Variants in KCNH1 observed in about 807,000 individuals in gnomAD.
KCNH1 encodes potassium voltage-gated channel subfamily H member 1.
KCNH1 carries 27 observed loss-of-function variants against 69.2 expected under a neutral mutation model. The ratio of observed to expected loss-of-function variants is 0.39; its 90% CI spans 0.29 to 0.54. KCNH1 has a LOEUF of 0.54. Among genes scored for constraint, KCNH1 ranks in the 20% least tolerant of loss-of-function variants. The pLI, the probability that KCNH1 is intolerant of heterozygous loss-of-function variation, is 0.68. For synonymous variants in KCNH1, 456 were observed against 487.7 expected (o/e 0.93, Z 0.86); for missense variants, 798 against 1,261.6 (o/e 0.63, Z 5.57).
At chr1:210,955,963 G>A (rs562063919) in intron 6 of KCNH1, among the ~76,000 whole-genome samples, 1 of 152,202 alleles carries the variant, frequency 6.6e-6, no homozygotes, top group East Asian at 1.9e-4. Flanking sequence ...GTGAGAGAGG[G>A]CATCCCTGTC....
At chr1:211,030,913 T>C (rs1027980425) in intron 5 of KCNH1, among the ~76,000 whole-genome samples, 1 of 151,880 alleles carries the variant, frequency 6.6e-6, no homozygotes. Flanking sequence ...ATAAAAAATG[T>C]AAAAGCTGAG....
intron 10 of KCNH1, among the ~76,000 whole-genome samples, chr1:210,759,880 A>G (rs907585088): frequency 1.3e-5 from 2 of 152,182 alleles, no homozygotes; most frequent in African/African-American, 4.8e-5. Flanking sequence ...TGGAGCCATG[A>G]CTGGTACCAG....
chr1:210,921,322 G>A (rs771484128), intron 6 of KCNH1, among the ~76,000 whole-genome samples: 3 of 152,120 alleles, frequency 2.0e-5, no homozygotes, highest in East Asian at 1.9e-4. Context: ...ACATTTCTTC[G>A]AATCAAGACT....
At chr1:210,878,304 G>T (rs1209491341) in intron 7 of KCNH1, among the ~76,000 whole-genome samples, 1 of 151,716 alleles carries the variant, frequency 6.6e-6, no homozygotes, top group Non-Finnish European at 1.5e-5. Flanking sequence ...AGATAAAATG[G>T]ACATGTAGAG....
chr1:210,880,179 A>T (rs978583983), intron 7 of KCNH1, among the ~76,000 whole-genome samples: 1 of 152,150 alleles, frequency 6.6e-6, no homozygotes, highest in Non-Finnish European at 1.5e-5. Context: ...TGATCTGTAG[A>T]TTTAATACAA....
intron 10 of KCNH1, among the ~76,000 whole-genome samples, chr1:210,771,235 GC>G (rs1191043266): frequency 6.6e-6 from 1 of 152,166 alleles, no homozygotes; most frequent in African/African-American, 2.4e-5. Context: ...TTCATGAATA[GC>G]CACAAGCCAC....
chr1:210,829,734 G>A (rs1446867815), intron 7 of KCNH1, among the ~76,000 whole-genome samples: 2 of 152,118 alleles, frequency 1.3e-5, no homozygotes, highest in Non-Finnish European at 2.9e-5. Context: ...TTTTTTAAAA[G>A]GCTTCTCAAA....
At position 211,087,647 on chromosome 1, in the gene KCNH1, A is replaced by G. The variant is rs897003194; in HGVS notation, c.439+2915T>C. Among the ~76,000 whole-genome samples the G allele has an allele frequency of 6.6e-5, 10 of 151,698 alleles. No individual in the cohort carries two copies. In the South Asian group the frequency reaches 1.3e-3, roughly 19 times the overall value. ...CACACACACACACACACGCACACACACACACACACACACACACCCCAGAGC... is the reference window on the plus strand; with the variant it reads ...CACACACACACACACACGCACACACGCACACACACACACACACCCCAGAGC... On this transcript the variant is annotated intron_variant, in intron 4 of 10. Transcript: ENST00000271751.
chr1:210,939,700 G>A (rs982587061), intron 6 of KCNH1, among the ~76,000 whole-genome samples: 1 of 152,226 alleles, frequency 6.6e-6, no homozygotes, highest in Admixed American at 6.5e-5. Context: ...CCCAACTTAC[G>A]GTTGAAGAAA....
intron 5 of KCNH1, among the ~76,000 whole-genome samples, chr1:211,034,440 T>TG (rs34756663): frequency 1.4e-4 from 21 of 150,762 alleles, no homozygotes; most frequent in Admixed American, 1.3e-3. Flanking sequence ...AGGAAGGGGG[T>TG]GGGGGGTGCC....
intron 5 of KCNH1, among the ~76,000 whole-genome samples, chr1:211,066,016 A>T (rs1024518572): frequency 6.6e-6 from 1 of 152,172 alleles, no homozygotes; most frequent in Non-Finnish European, 1.5e-5. Flanking sequence ...TCATGACCAC[A>T]CCACTGAGCT....
rs549110669 is a variant in KCNH1, at chr1:210,919,294, C to A, written c.1462+346G>T. On this transcript the variant is annotated intron_variant, in intron 7 of 10. Coordinates refer to ENST00000271751, the MANE Select transcript of KCNH1 (RefSeq NM_172362.3). This position sits in a 1 kb window ranked among gnomAD's most constrained non-coding sequence, Gnocchi z 4.2. ...GTTCTATGAGTAGTTTACTAAAGTGCGTATGCAGCAAGATCTCATTTTAAG... is the reference window on the plus strand; with the variant it reads ...GTTCTATGAGTAGTTTACTAAAGTGAGTATGCAGCAAGATCTCATTTTAAG... 2 of 191,852 alleles carry A rather than the reference C, an allele frequency of 1.0e-5. No homozygotes were observed. The highest frequency in any genetic ancestry group is 1.2e-4 in the East Asian group (1 of 8,572). 11.9% of individuals were successfully genotyped at this position (191,852 alleles called of 1,614,324 possible). A position where few individuals can be genotyped will look rare whatever the true frequency, so the allele number is the denominator to read the frequency against.
chr1:210,862,579 C>T (rs1439903630), intron 7 of KCNH1, among the ~76,000 whole-genome samples: 1 of 152,188 alleles, frequency 6.6e-6, no homozygotes, highest in African/African-American at 2.4e-5. Context: ...AGCAATCATC[C>T]TGCATCAGCC....
chr1:211,038,029 G>A (rs551165259), intron 5 of KCNH1, among the ~76,000 whole-genome samples: 4 of 144,222 alleles, frequency 2.8e-5, no homozygotes, highest in South Asian at 2.2e-4. Flanking sequence ...GCGTGATCTC[G>A]GCTCACTGCA....
rs188261452 is a variant in KCNH1 at position 211,009,308 on chromosome 1, A to C, written c.1032+9475T>G. ...CAAGGTTGAAAACCTGATCAGAATAAGTGCAAGAAAGAGAAGAGAAAAAGC... is the reference window on the plus strand; with the variant it reads ...CAAGGTTGAAAACCTGATCAGAATACGTGCAAGAAAGAGAAGAGAAAAAGC... On this transcript the variant is annotated intron_variant, in intron 6 of 10. Transcript: ENST00000271751. 3.9e-5 allele frequency among the ~76,000 whole-genome samples: 6 copies of C among 152,364 alleles called. No individual in the cohort carries two copies. In the East Asian group the frequency reaches 1.2e-3, roughly 29 times the overall value.
intron 6 of KCNH1, among the ~76,000 whole-genome samples, chr1:210,930,139 T>C (rs1165073590): frequency 6.6e-6 from 1 of 152,046 alleles, no homozygotes; most frequent in African/African-American, 2.4e-5. Flanking sequence ...GCAATTCCCA[T>C]CAAAATACCA....
intron 5 of KCNH1, 135 bp downstream of exon 5, chr1:211,082,645 G>GT: frequency 1.4e-6 from 1 of 709,304 alleles, no homozygotes; most frequent in East Asian, 2.5e-5. Flanking sequence ...ACTGTGGTGT[G>GT]TAAGCCCAGC....
intron 5 of KCNH1, among the ~76,000 whole-genome samples, chr1:211,059,039 G>A (rs1159441426): frequency 6.6e-6 from 1 of 152,190 alleles, no homozygotes; most frequent in East Asian, 1.9e-4. Flanking sequence ...CCAGCACTTT[G>A]GGAGGCTGAG....
At chr1:210,786,351 A>G (rs992646502) in intron 9 of KCNH1, among the ~76,000 whole-genome samples, 2 of 152,180 alleles carry the variant, frequency 1.3e-5, no homozygotes, top group Non-Finnish European at 2.9e-5. Context: ...AATGTGTTTT[A>G]CAATCCATGA....
Sources: allele counts gnomAD v4.1 joint callset (sites outside exome capture counted in the v4.1 genomes callset), GRCh38; gene constraint gnomAD v4.1.1; non-coding constraint Gnocchi (gnomAD v3.1); transcripts MANE v1.5; gene names NCBI Gene and HGNC (gene_info 2026-07-23, HGNC 2026-07-21).